The following ZNF436 variants were observed in gnomAD, a reference collection of about 807,000 sequenced individuals.
ZNF436 encodes the protein DNA-binding protein.
ZNF436 carries 22 observed loss-of-function variants against 41.9 expected under a neutral mutation model. The observed-to-expected ratio is 0.53, with a 90% confidence interval of 0.38 to 0.75. ZNF436 has a LOEUF of 0.75. Ranked by LOEUF, ZNF436 falls within the 30% of genes least tolerant of loss-of-function variation. The pLI, the probability that ZNF436 is intolerant of heterozygous loss-of-function variation, is 0.00. For missense variants in ZNF436, 506 were observed against 587.3 expected (o/e 0.86, Z 1.43); for synonymous variants, 217 against 197.8 (o/e 1.10, Z -0.82).
intron 3 of ZNF436, among the ~76,000 whole-genome samples, chr1:23,363,855 T>C (rs1316824344): frequency 1.3e-5 from 2 of 151,996 alleles, no homozygotes; most frequent in East Asian, 1.9e-4. Context: ...GCCTGGGCAA[T>C]ATAGGGAGAA....
At position 23,362,554 on chromosome 1, in the gene ZNF436, T is replaced by C. The variant is rs201643029; in HGVS notation, c.828A>G (p.Lys276=). 6.2e-7 allele frequency: 1 copy of C among 1,608,924 alleles called. No homozygotes were observed. Among genetic ancestry groups the C allele is most frequent in the Non-Finnish European group, 8.5e-7 (1 of 1,178,448 alleles). The change falls in exon 4 of 4, where the codon AAA becomes AAG. Residue 276 remains lysine (K), a synonymous_variant. Transcript: ENST00000314011. The stretch of plus-strand genomic sequence containing the variant: ...GGCCACATTCGTTACATTCATAAGG[T>C]TTCTCACCCGTGTGGGTCCTCTGGT... ...AQHQRTHTGE[K]PYECNECGRG... is the part of the protein sequence containing the mutation.
rs911821092 is a variant in ZNF436, at chr1:23,362,827, T to C, written c.555A>G (p.Gln185=). The change falls in exon 4 of 4, where the codon CAA becomes CAG. Residue 185 remains glutamine (Q), a synonymous_variant. Coordinates refer to ENST00000314011, the MANE Select transcript of ZNF436 (RefSeq NM_001077195.2). The part of the protein sequence containing the change: ...FSRSSHLIQH[Q]RTHTGERPYD... ...AAGGCCTCTCCCCAGTATGTGTTCT[T>C]TGATGCTGAATAAGGTGTGAGCTGC... 2 of 1,614,106 alleles carry C rather than the reference T, an allele frequency of 1.2e-6. No homozygotes were observed. The highest frequency in any genetic ancestry group is 2.7e-5 in the African/African-American group (2 of 74,944).
chr1:23,362,228 G>T lies in ZNF436; in HGVS notation c.1154C>A (p.Thr385Asn), dbSNP rs1393908590. ...SHLITHQKIH[T>N]GEKPYECNEC... Reference sequence around the variant, plus strand: ...ATTACACTCATAAGGCTTCTCTCCAGTGTGAATTTTCTGGTGTGTGATGAG... The same window carrying T: ...ATTACACTCATAAGGCTTCTCTCCATTGTGAATTTTCTGGTGTGTGATGAG... The change falls in exon 4 of 4, where the codon ACT (threonine) becomes AAT (asparagine). Residue 385 changes from threonine to asparagine, a missense_variant. Physicochemically the swap from Thr to Asn is moderately conservative, Grantham distance 65. Coordinates refer to ENST00000314011, the MANE Select transcript of ZNF436 (RefSeq NM_001077195.2). The T allele has an allele frequency of 6.2e-7, 1 of 1,614,134 alleles. No homozygotes were observed. The highest frequency in any genetic ancestry group is 8.5e-7 in the Non-Finnish European group (1 of 1,180,026).
chr1:23,367,104 G>C lies in ZNF436; in HGVS notation c.98C>G (p.Ala33Gly), dbSNP rs750071259. The C allele has an allele frequency of 6.8e-6, 11 of 1,613,544 alleles. No homozygotes were observed. In the Admixed American group the frequency reaches 1.8e-4, roughly 27 times the overall value. ...ATCCCGGTAAAGGTCCCTCTGTGCAGCGTCCAGAGGTCTCCATTCTTCCCG... is the reference window on the plus strand; with the variant it reads ...ATCCCGGTAAAGGTCCCTCTGTGCACCGTCCAGAGGTCTCCATTCTTCCCG... ...LTREEWRPLD[A>G]AQRDLYRDVM... Residue 33 changes from alanine to glycine, a missense_variant, in exon 3 of 4, where the codon GCT becomes GGT. Ala to Gly is a moderately conservative substitution (Grantham distance 60). This residue lies in a region of ZNF436 where 228 missense variants were observed against 215.1 expected (regional missense o/e 1.06). Transcript: ENST00000314011.
intron 3 of ZNF436, among the ~76,000 whole-genome samples, chr1:23,364,185 G>C (rs961455257): frequency 2.6e-5 from 4 of 152,200 alleles, no homozygotes; most frequent in African/African-American, 9.7e-5. Flanking sequence ...TTCATCATTA[G>C]TAGCATCATA....
Position 23,361,863 on chromosome 1 carries a change from C to T in ZNF436, c.*106G>A. On this transcript the variant is annotated 3_prime_UTR_variant, in exon 4 of 4. Transcript: ENST00000314011. ...CTCTGATGGTTTAAATCGTGGCCCA[C>T]AACTAGGAGAGTATGATAAAAGCAG... The T allele has an allele frequency of 8.0e-7, 1 of 1,252,802 alleles. No homozygotes were observed. The highest frequency in any genetic ancestry group is 2.4e-5 in the East Asian group (1 of 42,426). The allele number at this position is 1,252,802 out of a possible 1,614,324, so 77.6% of individuals were successfully genotyped here.
chr1:23,369,335 G>A, intron 1 of ZNF436, 31 bp downstream of exon 1: 1 of 529,442 alleles, frequency 1.9e-6, no homozygotes. Flanking sequence ...GTAGGAAGCC[G>A]AAAACCCGAG....
At position 23,367,049 on chromosome 1, in the gene ZNF436, GACA is replaced by G. The variant is rs1158423713; in HGVS notation, c.150_152del (p.Val51del). On this transcript the variant is annotated inframe_deletion, in exon 3 of 4. Coordinates refer to ENST00000314011, the MANE Select transcript of ZNF436 (RefSeq NM_001077195.2). ...GGTAGAATCCTTACTTACCTAGTGA[GACA>G]ACATTTCCATAATTCTCCTGCATAA... 5.6e-6 allele frequency: 9 copies of G among 1,613,222 alleles called. No individual in the cohort carries two copies. The highest frequency in any genetic ancestry group is 3.3e-4 in the Middle Eastern group (2 of 6,060).
intron 3 of ZNF436, among the ~76,000 whole-genome samples, chr1:23,365,684 A>G (rs993863002): frequency 2.0e-5 from 3 of 152,084 alleles, no homozygotes; most frequent in Admixed American, 2.0e-4. Flanking sequence ...ACTGCACTCC[A>G]GTCTGGGCAA....
rs199807996 is a variant in ZNF436, at chr1:23,362,128, G to A, written c.1254C>T (p.Tyr418=). 15 of 1,614,070 alleles carry A rather than the reference G, an allele frequency of 9.3e-6. 1 individual carries two copies. Among genetic ancestry groups the A allele is most frequent in the South Asian group, 6.6e-5 (6 of 91,074 alleles). The change falls in exon 4 of 4, where the codon TAC becomes TAT. Residue 418 remains tyrosine (Y), a synonymous_variant. Coordinates refer to ENST00000314011, the MANE Select transcript of ZNF436 (RefSeq NM_001077195.2). ...AACCTTTCCCACACTGCACACACTC[G>A]TAGGGCTTCTCCCCTGTGTGGGTTC... ...HQRTHTGEKP[Y]ECVQCGKGFT... is the part of the protein sequence containing the mutation.
chr1:23,369,512 A>G lies in ZNF436; in HGVS notation c.-207T>C, dbSNP rs764116901. The G allele has an allele frequency of 1.3e-5, 7 of 531,866 alleles. No individual in the cohort carries two copies. Among genetic ancestry groups the G allele is most frequent in the Non-Finnish European group, 2.7e-5 (7 of 257,762 alleles). The allele number at this position is 531,866 out of a possible 1,614,324, so 32.9% of individuals were successfully genotyped here. Reference sequence around the variant, plus strand: ...CAGGTCCCGGAGGTCTCAGACCCGCAGGTAGATCTCGAATTCGTAGACTTG... The same window carrying G: ...CAGGTCCCGGAGGTCTCAGACCCGCGGGTAGATCTCGAATTCGTAGACTTG... On this transcript the variant is annotated 5_prime_UTR_variant, in exon 1 of 4. Transcript: ENST00000314011.
In ZNF436 at chr1:23,367,866, G is replaced by T; in HGVS notation, c.33+107C>A. ...CCCTGGAGGCAGAATATCGAAGCCA[G>T]CGAATTACTAATCCCAGGGAATTTC... On this transcript the variant is annotated intron_variant, in intron 2 of 3. Coordinates refer to ENST00000314011, the MANE Select transcript of ZNF436 (RefSeq NM_001077195.2). 6 of 1,320,296 alleles carry T rather than the reference G, an allele frequency of 4.5e-6. No homozygotes were observed. The South Asian group carries it at 7.4e-5, about 16-fold the overall frequency. 81.8% of individuals were successfully genotyped at this position (1,320,296 alleles called of 1,614,324 possible). A position where few individuals can be genotyped will look rare whatever the true frequency, so the allele number is the denominator to read the frequency against.
chr1:23,366,488 T>C (rs1034458235), intron 3 of ZNF436, among the ~76,000 whole-genome samples: 5 of 152,166 alleles, frequency 3.3e-5, no homozygotes, highest in Non-Finnish European at 7.3e-5. Flanking sequence ...AGCTGCCCTC[T>C]CTAATAGAAT....
In ZNF436 at chr1:23,365,687, C is replaced by G. The variant is rs1476464341; in HGVS notation, c.160+1355G>C. On this transcript the variant is annotated intron_variant, in intron 3 of 3. Transcript: ENST00000314011. Reference sequence around the variant, plus strand: ...CAAGATTGGGCCACTGCACTCCAGTCTGGGCAACAGACTGAGACTCTGTTT... The same window carrying G: ...CAAGATTGGGCCACTGCACTCCAGTGTGGGCAACAGACTGAGACTCTGTTT... 2.6e-5 allele frequency among the ~76,000 whole-genome samples: 4 copies of G among 152,100 alleles called. No homozygotes were observed. In the South Asian group the frequency reaches 6.2e-4, roughly 24 times the overall value.
At position 23,362,374 on chromosome 1, in the gene ZNF436, A is replaced by C. The variant is rs1310433975; in HGVS notation, c.1008T>G (p.Cys336Trp). The C allele has an allele frequency of 6.2e-7, 1 of 1,613,916 alleles. No individual in the cohort carries two copies. ...GGCTGAAATTTTCCCCACATTCGTT[A>C]CAGTGGTATGGCTTCTCTCCCGTGT... ...RAHTGEKPYH[C>W]NECGENFSRI... The change falls in exon 4 of 4, where the codon TGT (cysteine) becomes TGG (tryptophan). Residue 336 changes from cysteine (C) to tryptophan (W), a missense_variant. By Grantham distance (215) the Cys-to-Trp change is radical (BLOSUM62 -2). Around this residue, in one of 2 missense-constraint regions of ZNF436, gnomAD observed 278 missense variants for 372.1 expected, o/e 0.75. Coordinates refer to ENST00000314011, the MANE Select transcript of ZNF436 (RefSeq NM_001077195.2).
At chr1:23,366,197 GA>G (rs1638356039) in intron 3 of ZNF436, among the ~76,000 whole-genome samples, 1 of 152,168 alleles carries the variant, frequency 6.6e-6, no homozygotes, top group Non-Finnish European at 1.5e-5. Flanking sequence ...GGACATCAGA[GA>G]AAGCTCAAGT....
chr1:23,363,078 A>T lies in ZNF436; in HGVS notation c.304T>A (p.Ser102Thr). 6.2e-7 allele frequency: 1 copy of T among 1,614,094 alleles called. No homozygotes were observed. Among genetic ancestry groups the T allele is most frequent in the Non-Finnish European group, 8.5e-7 (1 of 1,180,024 alleles). ...GTTAAATCTCCCCATTGTCTTTCTG[A>T]CCTATCTCCGCTTTCAAAGCCCTCT... ...SEEGFESGDR[S>T]ERQWGDLTAE... Residue 102 changes from serine to threonine, a missense_variant, in exon 4 of 4, where the codon TCA becomes ACA. Around this residue, in one of 2 missense-constraint regions of ZNF436, gnomAD observed 228 missense variants for 215.1 expected, o/e 1.06. Transcript: ENST00000314011.
intron 1 of ZNF436, 46 bp from the exon 2 acceptor site, chr1:23,368,111 T>TG: frequency 7.7e-7 from 1 of 1,305,828 alleles, no homozygotes; most frequent in East Asian, 2.5e-5. Flanking sequence ...AAACAGGCCC[T>TG]GCCCACTCCC....
rs950152820 is a variant in ZNF436 at position 23,361,305 on chromosome 1, CTG to C, written c.*662_*663del. 32 of 152,808 alleles carry C rather than the reference CTG, an allele frequency of 2.1e-4. No homozygotes were observed. Among genetic ancestry groups the C allele is most frequent in the African/African-American group, 7.5e-4 (31 of 41,580 alleles). The allele number at this position is 152,808 out of a possible 1,614,324, so 9.5% of individuals were successfully genotyped here. On this transcript the variant is annotated 3_prime_UTR_variant, in exon 4 of 4. Coordinates refer to ENST00000314011, the MANE Select transcript of ZNF436 (RefSeq NM_001077195.2). The stretch of plus-strand genomic sequence containing the variant: ...ATTGATGGGTCCTTGGTCCCCAAAC[CTG>C]TGTCTCATTTTTCCTTTCCAACCGT...
Sources: gnomAD v4.1 joint callset for allele counts (sites outside exome capture counted in the v4.1 genomes callset) on GRCh38, gnomAD v4.1.1 for gene constraint, gnomAD v4.1.1 regional missense constraint, MANE v1.5 for transcripts, NCBI Gene and HGNC (gene_info 2026-07-23, HGNC 2026-07-21) for gene names.